The following BLTP1 variants were observed in gnomAD, a reference collection of about 807,000 sequenced individuals.
BLTP1 encodes the protein fragile site-associated protein.
At chr4:122,353,145 C>G in the BLTP1 span, 1 of 1,613,216 alleles carries the variant, frequency 6.2e-7, no homozygotes, top group Non-Finnish European at 8.5e-7. The surrounding 1 kb of genome is among the most constrained non-coding windows in gnomAD (Gnocchi z 4.3). Context: ...CTCAGAAAAT[C>G]TGGGAAGATG....
the BLTP1 span, chr4:122,211,018 C>A: frequency 4.3e-6 from 7 of 1,610,914 alleles, no homozygotes; most frequent in Non-Finnish European, 5.9e-6. Flanking sequence ...TGATAAACTT[C>A]ATGTAGAAAT....
At chr4:122,214,492 T>G in the BLTP1 span, 1 of 940,238 alleles carries the variant, frequency 1.1e-6, no homozygotes, top group Non-Finnish European at 1.3e-6. Context: ...TTTATTTGTA[T>G]TTGTAAATAT....
chr4:122,188,914 G>A, the BLTP1 span: 1 of 984,750 alleles, frequency 1.0e-6, no homozygotes, highest in Non-Finnish European at 1.2e-6. Flanking sequence ...CGATTTTCCA[G>A]GATTTGGCTA....
chr4:122,160,968 A>T, the BLTP1 span: 3 of 171,972 alleles, frequency 1.7e-5, no homozygotes, highest in Admixed American at 6.5e-5. Context: ...AATATTGATC[A>T]CTAAATGTAG....
the BLTP1 span, among the ~76,000 whole-genome samples, chr4:122,337,809 C>A: frequency 6.7e-6 from 1 of 149,182 alleles, no homozygotes; most frequent in African/African-American, 2.4e-5. Flanking sequence ...TACCAATAGG[C>A]CTTTGGGAGT....
the BLTP1 span, among the ~76,000 whole-genome samples, chr4:122,236,137 G>A: frequency 6.6e-6 from 1 of 152,166 alleles, no homozygotes; most frequent in Non-Finnish European, 1.5e-5. Flanking sequence ...GATAGGAAAG[G>A]GGTAATTTTA....
At chr4:122,289,625 G>A in the BLTP1 span, 2 of 985,288 alleles carry the variant, frequency 2.0e-6, no homozygotes, top group Non-Finnish European at 2.4e-6. Flanking sequence ...ATAGCTTACA[G>A]TTGAGCTTAG....
chr4:122,336,773 T>C, the BLTP1 span: 2 of 1,298,776 alleles, frequency 1.5e-6, no homozygotes, highest in Non-Finnish European at 1.0e-6. Context: ...AGCAAATGTT[T>C]CCGGGTGTTC....
At chr4:122,239,945 G>A in the BLTP1 span, 1 of 1,614,012 alleles carries the variant, frequency 6.2e-7, no homozygotes, top group Admixed American at 1.7e-5. Flanking sequence ...AGAAGAAAAA[G>A]CAAACCCAGC....
At chr4:122,223,739 G>C in the BLTP1 span, among the ~76,000 whole-genome samples, 1 of 152,080 alleles carries the variant, frequency 6.6e-6, no homozygotes, top group Non-Finnish European at 1.5e-5. Context: ...CTGGCAAGAG[G>C]TGATACTATT....
chr4:122,313,332 G>A, the BLTP1 span, among the ~76,000 whole-genome samples: 1 of 152,034 alleles, frequency 6.6e-6, no homozygotes, highest in Non-Finnish European at 1.5e-5. Context: ...GTCAGAGTTG[G>A]CCAGGTGTTG....
the BLTP1 span, chr4:122,170,301 T>C: frequency 1.2e-6 from 1 of 860,258 alleles, no homozygotes; most frequent in Non-Finnish European, 1.4e-6. Flanking sequence ...GCAAAACTCC[T>C]TCTCAAAAAA....
At chr4:122,343,065 C>T in the BLTP1 span, among the ~76,000 whole-genome samples, 1 of 152,118 alleles carries the variant, frequency 6.6e-6, no homozygotes, top group East Asian at 1.9e-4. Flanking sequence ...TATGTTCTCC[C>T]CCACTTTGCT....
chr4:122,209,647 TAAATC>T, the BLTP1 span: 2 of 524,552 alleles, frequency 3.8e-6, no homozygotes, highest in African/African-American at 2.1e-5. Context: ...TCTCAAAAAA[TAAATC>T]AATTAGTAAA....
chr4:122,172,044 C>A, the BLTP1 span: 3 of 613,674 alleles, frequency 4.9e-6, no homozygotes, highest in Non-Finnish European at 6.1e-6. Flanking sequence ...GATATAATGG[C>A]ATATCATCAA....
At chr4:122,315,210 A>G in the BLTP1 span, among the ~76,000 whole-genome samples, 7 of 152,142 alleles carry the variant, frequency 4.6e-5, no homozygotes, top group East Asian at 1.9e-4. Flanking sequence ...TACTGTAGCT[A>G]TAGGATGGTG....
the BLTP1 span, chr4:122,277,799 A>C: frequency 4.8e-6 from 4 of 830,730 alleles, no homozygotes; most frequent in Non-Finnish European, 5.8e-6. Context: ...GATTTTAAGA[A>C]GTATAGTGAA....
At chr4:122,194,664 G>A in the BLTP1 span, 2 of 932,316 alleles carry the variant, frequency 2.1e-6, no homozygotes, top group African/African-American at 1.8e-5. Flanking sequence ...GCCATGAAGT[G>A]TGTTTGCATT....
the BLTP1 span, chr4:122,183,615 G>A: frequency 1.3e-5 from 9 of 691,874 alleles, no homozygotes; most frequent in Non-Finnish European, 1.4e-5. Flanking sequence ...AGCAGACCTA[G>A]GTTTTTGCTT....
Sources: allele counts gnomAD v4.1 joint callset (sites outside exome capture counted in the v4.1 genomes callset), GRCh38; gene constraint gnomAD v4.1.1; non-coding constraint Gnocchi (gnomAD v3.1); transcripts MANE v1.5; gene names NCBI Gene and HGNC (gene_info 2026-07-23, HGNC 2026-07-21).